The following ARHGAP26 variants were observed in gnomAD, a reference collection of about 807,000 sequenced individuals.
ARHGAP26 encodes the protein rho GTPase-activating protein 26.
A neutral mutation model predicts 104.8 loss-of-function variants in ARHGAP26; 38 were observed. The observed-to-expected ratio is 0.36, with a 90% CI of 0.28 to 0.48. The LOEUF (loss-of-function observed/expected upper bound fraction) is 0.48. Ranked by LOEUF, ARHGAP26 falls within the 20% of genes least tolerant of loss-of-function variation. ARHGAP26 has a pLI of 0.99. For synonymous variants in ARHGAP26, 341 were observed against 340.0 expected (o/e 1.00, Z -0.03); for missense variants, 704 against 947.9 (o/e 0.74, Z 3.38).
At chr5:143,221,360 C>T (rs1811097732) in intron 22 of ARHGAP26, among the ~76,000 whole-genome samples, 2 of 132,332 alleles carry the variant, frequency 1.5e-5, no homozygotes, top group Middle Eastern at 4.2e-3. Context: ...GGAAAGAAAA[C>T]TAAGAAAGGG....
intron 19 of ARHGAP26, among the ~76,000 whole-genome samples, chr5:143,143,516 C>T (rs1798805178): frequency 6.6e-6 from 1 of 152,022 alleles, no homozygotes; most frequent in Non-Finnish European, 1.5e-5. Flanking sequence ...CTGATTTGTA[C>T]AAAAAACAAA....
intron 11 of ARHGAP26, among the ~76,000 whole-genome samples, chr5:142,988,785 C>A (rs908673485): frequency 6.6e-6 from 1 of 152,080 alleles, no homozygotes; most frequent in Non-Finnish European, 1.5e-5. Context: ...TTCAGTTTCC[C>A]TGTAGTTGAG....
intron 12 of ARHGAP26, among the ~76,000 whole-genome samples, chr5:143,016,940 A>G (rs79657897): frequency 0.013 from 2,047 of 151,788 alleles, 40 homozygotes; most frequent in African/African-American, 0.047. Context: ...TTTAATGCAA[A>G]CCCCCCATAA....
chr5:142,841,040 A>G (rs1302038125), intron 1 of ARHGAP26, among the ~76,000 whole-genome samples: 1 of 152,206 alleles, frequency 6.6e-6, no homozygotes, highest in East Asian at 1.9e-4. Context: ...AATTAGTAAT[A>G]TTATGATCTA....
Position 143,145,798 on chromosome 5 carries a change from G to A in ARHGAP26, c.1838-1433G>A, listed in dbSNP as rs549043179. Among the ~76,000 whole-genome samples, 4 of 152,260 alleles carry A rather than the reference G, an allele frequency of 2.6e-5. No individual in the cohort carries two copies. In the East Asian group the frequency reaches 7.7e-4, roughly 29 times the overall value. ...CACAGGGTTTTTCTCTCTCCTGTGGGGCTTTATCTAGGGCATTAAGGATTT... is the reference window on the plus strand; with the variant it reads ...CACAGGGTTTTTCTCTCTCCTGTGGAGCTTTATCTAGGGCATTAAGGATTT... On this transcript the variant is annotated intron_variant, in intron 19 of 22. Coordinates refer to ENST00000645722, the MANE Select transcript of ARHGAP26 (RefSeq NM_001135608.3).
intron 19 of ARHGAP26, among the ~76,000 whole-genome samples, chr5:143,137,101 A>G (rs1222514552): frequency 6.6e-6 from 1 of 152,162 alleles, no homozygotes; most frequent in Non-Finnish European, 1.5e-5. Context: ...CCTGATACAT[A>G]AGACCTCTAA....
intron 11 of ARHGAP26, among the ~76,000 whole-genome samples, chr5:143,012,844 C>T (rs572869024): frequency 1.7e-4 from 25 of 151,348 alleles, no homozygotes; most frequent in African/African-American, 4.4e-4. Flanking sequence ...TTAGTAGAGA[C>T]GGAGTTTCAC....
chr5:142,963,226 G>A (rs1183604328), intron 11 of ARHGAP26, among the ~76,000 whole-genome samples: 2 of 142,202 alleles, frequency 1.4e-5, no homozygotes, highest in African/African-American at 5.8e-5. Flanking sequence ...GTGTGCGCGT[G>A]TGTGTGTGTA....
At chr5:143,202,849 CT>C (rs1807976870) in intron 20 of ARHGAP26, 1 of 152,032 alleles carries the variant, frequency 6.6e-6, no homozygotes, top group Middle Eastern at 3.2e-3. Context: ...TTAATAAATG[CT>C]GTTGGGAAAA....
intron 19 of ARHGAP26, among the ~76,000 whole-genome samples, chr5:143,140,615 C>G (rs1288747051): frequency 6.6e-6 from 1 of 152,054 alleles, no homozygotes; most frequent in Admixed American, 6.5e-5. Context: ...CCCTTTGGAG[C>G]CTGCAGATTC....
intron 9 of ARHGAP26, among the ~76,000 whole-genome samples, chr5:142,911,761 A>G (rs1761867188): frequency 1.3e-5 from 2 of 152,238 alleles, no homozygotes; most frequent in Non-Finnish European, 2.9e-5. Context: ...AAGCTGGTCC[A>G]TAGCCATTAA....
At chr5:143,200,394 A>G (rs1456954262) in intron 20 of ARHGAP26, among the ~76,000 whole-genome samples, 2 of 152,258 alleles carry the variant, frequency 1.3e-5, no homozygotes, top group African/African-American at 4.8e-5. Context: ...GTGAGTTGCA[A>G]TGCTATTTAT....
At position 143,044,168 on chromosome 5, in the gene ARHGAP26, A is replaced by G. The variant is rs190713897; in HGVS notation, c.1285+2278A>G. Among the ~76,000 whole-genome samples the G allele has an allele frequency of 6.0e-4, 92 of 152,318 alleles. 1 individual carries two copies. In the Middle Eastern group the frequency reaches 0.017, roughly 28 times the overall value. ...GCTTTTGCACACAAAAGTGTCAAGAAGACAATTCAGAATAGTTTACAAGGA... is the reference window on the plus strand; with the variant it reads ...GCTTTTGCACACAAAAGTGTCAAGAGGACAATTCAGAATAGTTTACAAGGA... On this transcript the variant is annotated intron_variant, in intron 14 of 22. Coordinates refer to ENST00000645722, the MANE Select transcript of ARHGAP26 (RefSeq NM_001135608.3).
At chr5:143,112,212 G>A (rs2150722640) in intron 17 of ARHGAP26, among the ~76,000 whole-genome samples, 1 of 152,328 alleles carries the variant, frequency 6.6e-6, no homozygotes, top group East Asian at 1.9e-4. Context: ...ACCTGACCTA[G>A]AGTGAGGTGT....
At chr5:142,819,750 T>C (rs946638154) in intron 1 of ARHGAP26, among the ~76,000 whole-genome samples, 5 of 152,226 alleles carry the variant, frequency 3.3e-5, no homozygotes, top group Non-Finnish European at 5.9e-5. Context: ...TTCACAATCA[T>C]TACATAGAAA....
At position 142,865,214 on chromosome 5, in the gene ARHGAP26, A is replaced by G. The variant is rs56099057; in HGVS notation, c.155-8186A>G. 1.3e-3 allele frequency among the ~76,000 whole-genome samples: 205 copies of G among 152,268 alleles called. 1 individual carries two copies. The highest frequency in any genetic ancestry group is 4.6e-3 in the African/African-American group (192 of 41,550). ...GGGTTGAGTTTTCATCGGAGATCCA[A>G]TGCTGACTAACTCACTTGACACAGC... On this transcript the variant is annotated intron_variant, in intron 1 of 22. Coordinates refer to ENST00000645722, the MANE Select transcript of ARHGAP26 (RefSeq NM_001135608.3).
intron 1 of ARHGAP26, among the ~76,000 whole-genome samples, chr5:142,790,225 G>A (rs1401368686): frequency 6.6e-6 from 1 of 152,190 alleles, no homozygotes; most frequent in African/African-American, 2.4e-5. Context: ...ATGGTAGAGG[G>A]TAGAGGCAAC....
chr5:142,932,829 G>A (rs34998175), intron 11 of ARHGAP26, among the ~76,000 whole-genome samples: 14,928 of 152,192 alleles, frequency 0.098, 1,834 homozygotes, highest in African/African-American at 0.28. Flanking sequence ...GCTGGATAAT[G>A]CCAGCTGATT....
chr5:143,018,303 C>T (rs184848337), intron 12 of ARHGAP26, among the ~76,000 whole-genome samples: 9 of 152,310 alleles, frequency 5.9e-5, no homozygotes, highest in Non-Finnish European at 1.0e-4. Flanking sequence ...TCTGTTAATA[C>T]GTGGTATCCT....
Sources: gnomAD v4.1 joint callset for allele counts (sites outside exome capture counted in the v4.1 genomes callset) on GRCh38, gnomAD v4.1.1 for gene constraint, MANE v1.5 for transcripts, NCBI Gene and HGNC (gene_info 2026-07-23, HGNC 2026-07-21) for gene names.